The following PCNT variants were observed in gnomAD, a reference collection of about 807,000 sequenced individuals.
PCNT encodes kendrin.
A neutral mutation model predicts 380.4 loss-of-function variants in PCNT; 319 were observed. The ratio of observed to expected loss-of-function variants is 0.84; its 90% CI spans 0.77 to 0.92. The LOEUF (loss-of-function observed/expected upper bound fraction) is 0.92, where lower values mean the gene tolerates loss of function less well. Among genes scored for constraint, PCNT ranks in the 40% least tolerant of loss-of-function variants. PCNT has a pLI of 0.00. For synonymous variants in PCNT, 1,845 were observed against 1,735.2 expected (o/e 1.06, Z -1.57); for missense variants, 4,400 against 4,255.3 (o/e 1.03, Z -0.95).
chr21:46,326,417 C>T lies in PCNT; in HGVS notation c.95C>T (p.Ser32Leu), dbSNP rs756856322. ...FRQRKTKGDSSHSEKKTAKRK... is the reference protein window; with the variant it reads ...FRQRKTKGDSLHSEKKTAKRK... ...CAGAGAAAAACAAAAGGTGACAGTT[C>T]GCATTCGGAGAAAAAGACGGCGAAG... Residue 32 changes from serine to leucine, a missense_variant, in exon 2 of 47, where the codon TCG becomes TTG. Coordinates refer to ENST00000359568, the MANE Select transcript of PCNT (RefSeq NM_006031.6). The T allele has an allele frequency of 8.7e-6, 14 of 1,614,178 alleles. No homozygotes were observed. Among genetic ancestry groups the T allele is most frequent in the African/African-American group, 1.3e-5 (1 of 75,042 alleles).
intron 19 of PCNT, 97 bp downstream of exon 19, chr21:46,389,528 G>A (rs1327291003): frequency 2.1e-5 from 20 of 947,970 alleles, no homozygotes; most frequent in South Asian, 4.6e-5. Context: ...AACGACGCTC[G>A]CACGGGTTTC....
At chr21:46,335,125 C>T (rs570531396) in intron 3 of PCNT, among the ~76,000 whole-genome samples, 41 of 152,244 alleles carry the variant, frequency 2.7e-4, no homozygotes, top group African/African-American at 4.8e-4. Flanking sequence ...TTGCCCTTGT[C>T]GATTGACTCA....
chr21:46,410,812 C>T (rs1414028222), intron 27 of PCNT, among the ~76,000 whole-genome samples: 1 of 152,232 alleles, frequency 6.6e-6, no homozygotes. Flanking sequence ...TACTTTCCTC[C>T]TGGAGTCAGA....
intron 13 of PCNT, among the ~76,000 whole-genome samples, chr21:46,358,600 TTTG>T (rs942649021): frequency 1.8e-4 from 27 of 151,870 alleles, no homozygotes; most frequent in African/African-American, 4.3e-4. Context: ...CAAGTGACTT[TTTG>T]TTGTTGTTGT....
intron 3 of PCNT, among the ~76,000 whole-genome samples, chr21:46,336,418 G>A (rs2083737355): frequency 6.6e-6 from 1 of 152,144 alleles, no homozygotes; most frequent in Admixed American, 6.5e-5. Flanking sequence ...TCTGTCCCCT[G>A]GGCTGGAGTA....
intron 34 of PCNT, among the ~76,000 whole-genome samples, chr21:46,428,139 G>A (rs568006349): frequency 3.3e-5 from 5 of 152,158 alleles, no homozygotes; most frequent in Non-Finnish European, 7.4e-5. Flanking sequence ...TGGGGACACT[G>A]GAAATCCTGT....
In PCNT at chr21:46,416,337, A is replaced by T; in HGVS notation, c.6419A>T (p.Asp2140Val). The T allele has an allele frequency of 6.2e-7, 1 of 1,613,794 alleles. No individual in the cohort carries two copies. The highest frequency in any genetic ancestry group is 8.5e-7 in the Non-Finnish European group (1 of 1,179,806). Residue 2140 changes from aspartate to valine, a missense_variant, in exon 30 of 47, where the codon GAT (aspartate) becomes GTT (valine). Coordinates refer to ENST00000359568, the MANE Select transcript of PCNT (RefSeq NM_006031.6). ...AATACAGCCACGGGGGGTGTAACTG[A>T]TGTTATCAAAAATCAGGCCATAGAC... ...DANTATGGVTDVIKNQAIDAC... is the reference protein window; with the variant it reads ...DANTATGGVTVVIKNQAIDAC...
chr21:46,423,596 T>G (rs892555750), intron 32 of PCNT, among the ~76,000 whole-genome samples: 7 of 150,222 alleles, frequency 4.7e-5, no homozygotes, highest in Non-Finnish European at 1.0e-4. Context: ...TAAATTTGAT[T>G]AATGTTAACT....
chr21:46,399,703 T>C lies in PCNT; in HGVS notation c.4698T>C (p.Arg1566=). 1 of 1,613,968 alleles carries C rather than the reference T, an allele frequency of 6.2e-7. No homozygotes were observed. Among genetic ancestry groups the C allele is most frequent in the Non-Finnish European group, 8.5e-7 (1 of 1,179,894 alleles). ...QVLMQEEEIK[R]LEEMNINIRK... is the part of the protein sequence containing the mutation. ...TAATGCAGGAAGAAGAAATTAAACG[T>C]CTGGAGGAGATGAACATCAACATCA... Residue 1566 remains arginine (R), a synonymous_variant, in exon 25 of 47, where the codon CGT becomes CGC. Coordinates refer to ENST00000359568, the MANE Select transcript of PCNT (RefSeq NM_006031.6).
At chr21:46,365,428 T>A (rs1321087087) in intron 14 of PCNT, among the ~76,000 whole-genome samples, 8 of 145,946 alleles carry the variant, frequency 5.5e-5, no homozygotes, top group African/African-American at 1.5e-4. Flanking sequence ...TGGGGTTCTA[T>A]TCACTGCCGT....
At position 46,390,850 on chromosome 21, in the gene PCNT, T is replaced by C; in HGVS notation, c.4003+18T>C. 1.2e-6 allele frequency: 2 copies of C among 1,603,056 alleles called. No individual in the cohort carries two copies. The highest frequency in any genetic ancestry group is 1.7e-6 in the Non-Finnish European group (2 of 1,175,262). On this transcript the variant is annotated intron_variant, in intron 20 of 46. Coordinates refer to ENST00000359568, the MANE Select transcript of PCNT (RefSeq NM_006031.6). The stretch of plus-strand genomic sequence containing the variant: ...GACTCAGGGTGAGCAGCATGAGGCC[T>C]CGGGGCACCTGGAGCACAGGCACGG...
rs896782591 is a variant in PCNT, at chr21:46,390,552, C to G, written c.3841-118C>G. 5.5e-6 allele frequency: 6 copies of G among 1,091,652 alleles called. No homozygotes were observed. The African/African-American group carries it at 7.7e-5, about 14-fold the overall frequency. 67.6% of individuals were successfully genotyped at this position (1,091,652 alleles called of 1,614,324 possible). A position where few individuals can be genotyped will look rare whatever the true frequency, so the allele number is the denominator to read the frequency against. Reference sequence around the variant, plus strand: ...TCAGGTCCCGTCACCCTGGCCTGGCCCTGCCTGGGTGGTGACGGCCTGAAG... The same window carrying G: ...TCAGGTCCCGTCACCCTGGCCTGGCGCTGCCTGGGTGGTGACGGCCTGAAG... On this transcript the variant is annotated intron_variant, in intron 19 of 46. Coordinates refer to ENST00000359568, the MANE Select transcript of PCNT (RefSeq NM_006031.6).
rs1162001515 is a variant in PCNT at position 46,372,164 on chromosome 21, GCACA to G, written c.3165+5032_3165+5035del. ...GCACATGTGCCCATACAAGGCACAC[GCACA>G]CACACAGCACATGCACACACAGCAC... On this transcript the variant is annotated intron_variant, in intron 15 of 46. Transcript: ENST00000359568. Among the ~76,000 whole-genome samples, 22 of 144,324 alleles carry G rather than the reference GCACA, an allele frequency of 1.5e-4. No individual in the cohort carries two copies. The East Asian group carries it at 4.4e-3, about 29-fold the overall frequency. The allele number at this position is 144,324 out of a possible 152,430, so 94.7% of individuals were successfully genotyped here.
At chr21:46,342,790 A>C (rs1434935994) in intron 3 of PCNT, among the ~76,000 whole-genome samples, 2 of 152,066 alleles carry the variant, frequency 1.3e-5, no homozygotes, top group African/African-American at 4.8e-5. Context: ...CGGCCTCCCA[A>C]AGTGCTGGGA....
chr21:46,431,973 A>C lies in PCNT; in HGVS notation c.8509A>C (p.Lys2837Gln), dbSNP rs771959458. The change falls in exon 38 of 47, where the codon AAG becomes CAG. Residue 2837 changes from lysine to glutamine, a missense_variant. Coordinates refer to ENST00000359568, the MANE Select transcript of PCNT (RefSeq NM_006031.6). The stretch of plus-strand genomic sequence containing the variant: ...GCACTGTGAGGCGCTCAGGAGAGAG[A>C]AGGAGGTAAGTGCCACACTGAAGTC... ...QKHCEALRRE[K>Q]EVSATLKSTV... 11 of 1,613,834 alleles carry C rather than the reference A, an allele frequency of 6.8e-6. No individual in the cohort carries two copies. The African/African-American group carries it at 1.3e-4, about 20-fold the overall frequency.
rs866194800 is a variant in PCNT, at chr21:46,436,488, C to G, written c.8996+340C>G. On this transcript the variant is annotated intron_variant, in intron 39 of 46. Transcript: ENST00000359568. ...TCCTGTGGCCCCCCCCCCCCCCCCC[C>G]GCTGGCACTGCCCAGTGTCACTCAA... Among the ~76,000 whole-genome samples, 458 of 87,438 alleles carry G rather than the reference C, an allele frequency of 5.2e-3. 14 individuals carry two copies. Among genetic ancestry groups the G allele is most frequent in the Non-Finnish European group, 8.9e-3 (303 of 34,120 alleles). The allele number at this position is 87,438 out of a possible 152,430, so 57.4% of individuals were successfully genotyped here.
chr21:46,426,596 G>A (rs1471711314), intron 33 of PCNT, among the ~76,000 whole-genome samples: 1 of 152,110 alleles, frequency 6.6e-6, no homozygotes, highest in Non-Finnish European at 1.5e-5. Context: ...CCTGCCACTC[G>A]GGTGACTTGC....
rs2087465498 is a variant in PCNT at position 46,425,712 on chromosome 21, C to T, written c.7180-119C>T. 2.8e-6 allele frequency: 4 copies of T among 1,454,498 alleles called. No homozygotes were observed. Among genetic ancestry groups the T allele is most frequent in the Non-Finnish European group, 3.8e-6 (4 of 1,047,512 alleles). The allele number at this position is 1,454,498 out of a possible 1,614,324, so 90.1% of individuals were successfully genotyped here. A position where few individuals can be genotyped will look rare whatever the true frequency, so the allele number is the denominator to read the frequency against. Reference sequence around the variant, plus strand: ...GTACGAAGCCGAGGCGGTGCCCTCCCTCTCCACAGCTGCCCGCCCTTCACA... The same window carrying T: ...GTACGAAGCCGAGGCGGTGCCCTCCTTCTCCACAGCTGCCCGCCCTTCACA... On this transcript the variant is annotated intron_variant, in intron 32 of 46. Transcript: ENST00000359568. The surrounding 1 kb of genome is among the most constrained non-coding windows in gnomAD (Gnocchi z 4.2).
chr21:46,396,420 A>C (rs1475897046), intron 21 of PCNT, among the ~76,000 whole-genome samples: 5 of 152,184 alleles, frequency 3.3e-5, no homozygotes, highest in African/African-American at 1.2e-4. Context: ...GCAGAGGCAG[A>C]AGGGCCGAGT....
Sources: allele counts gnomAD v4.1 joint callset (sites outside exome capture counted in the v4.1 genomes callset), GRCh38; gene constraint gnomAD v4.1.1; non-coding constraint Gnocchi (gnomAD v3.1); transcripts MANE v1.5; gene names NCBI Gene and HGNC (gene_info 2026-07-23, HGNC 2026-07-21).